Variants in MARCHF3 observed in about 807,000 individuals in gnomAD.
The protein encoded by MARCHF3 is E3 ubiquitin-protein ligase MARCHF3.
Under a neutral mutation model 24.2 loss-of-function variants are expected in MARCHF3, and 13 were observed. That is an observed-to-expected ratio of 0.54 (90% CI 0.35 to 0.85). MARCHF3 has a LOEUF of 0.85. MARCHF3 is among the 40% of genes least tolerant of loss of function. The pLI is 0.01. For synonymous variants in MARCHF3, 144 were observed against 137.3 expected, an observed-to-expected ratio of 1.05 and a Z score of -0.34; for missense variants, 276 against 325.0, an observed-to-expected ratio of 0.85 and a Z score of 1.16.
chr5:126,978,022 G>A (rs1360446493), intron 1 of MARCHF3, among the ~76,000 whole-genome samples: 2 of 152,220 alleles, frequency 1.3e-5, no homozygotes, highest in Non-Finnish European at 2.9e-5. Flanking sequence ...CACAAGTACA[G>A]AGCAAGAGTG....
chr5:126,916,636 T>C (rs1460381693), intron 2 of MARCHF3, among the ~76,000 whole-genome samples: 2 of 150,838 alleles, frequency 1.3e-5, no homozygotes, highest in Admixed American at 1.3e-4. Context: ...TGAAACCTGG[T>C]TTACAGTACC....
intron 1 of MARCHF3, among the ~76,000 whole-genome samples, chr5:126,997,584 G>C (rs2126847951): frequency 6.6e-6 from 1 of 152,304 alleles, no homozygotes; most frequent in African/African-American, 2.4e-5. Context: ...AAGGTCGAAA[G>C]GACTGGGTCC....
chr5:126,883,272 G>A (rs912442326), intron 3 of MARCHF3, among the ~76,000 whole-genome samples: 5 of 152,104 alleles, frequency 3.3e-5, no homozygotes, highest in Non-Finnish European at 5.9e-5. Flanking sequence ...TTTTCTCCTG[G>A]TGGATCCACT....
intron 1 of MARCHF3, among the ~76,000 whole-genome samples, chr5:126,979,661 AAGTG>A (rs1163736177): frequency 1.3e-5 from 2 of 152,154 alleles, no homozygotes; most frequent in African/African-American, 4.8e-5. Flanking sequence ...TTAGAAATGA[AAGTG>A]AGGCCAGGCG....
chr5:126,915,188 G>A, intron 2 of MARCHF3, 54 bp from the exon 3 acceptor site: 6 of 1,568,872 alleles, frequency 3.8e-6, no homozygotes, highest in Non-Finnish European at 5.2e-6. Flanking sequence ...CCTCCACCAA[G>A]TGGATGGCCC....
intron 1 of MARCHF3, among the ~76,000 whole-genome samples, chr5:126,990,078 C>A (rs7717385): frequency 3.5e-5 from 5 of 143,232 alleles, no homozygotes; most frequent in Admixed American, 1.4e-4. Context: ...AAAAGAGCCC[C>A]CATTTAACAA....
rs532789774 is a variant in MARCHF3 at position 126,909,175 on chromosome 5, G to A, written c.393+5755C>T. On this transcript the variant is annotated intron_variant, in intron 3 of 4. Coordinates refer to ENST00000308660, the MANE Select transcript of MARCHF3 (RefSeq NM_178450.5). ...ACCCACTTGAGGAGGCAGTCTGCCCGTTCTCAGATCTCCAGCTGCATGCTG... is the reference window on the plus strand; with the variant it reads ...ACCCACTTGAGGAGGCAGTCTGCCCATTCTCAGATCTCCAGCTGCATGCTG... Among the ~76,000 whole-genome samples, 18 of 152,150 alleles carry A rather than the reference G, an allele frequency of 1.2e-4. No homozygotes were observed. In the South Asian group the frequency reaches 2.1e-3, roughly 18 times the overall value.
chr5:127,021,033 CTG>C (rs924888950), intron 1 of MARCHF3, among the ~76,000 whole-genome samples: 33 of 152,224 alleles, frequency 2.2e-4, no homozygotes, highest in African/African-American at 7.0e-4. Context: ...GCATCCAAAA[CTG>C]TGAGTAACAA....
At chr5:126,991,900 T>C (rs1751776234) in intron 1 of MARCHF3, among the ~76,000 whole-genome samples, 1 of 152,192 alleles carries the variant, frequency 6.6e-6, no homozygotes, top group Non-Finnish European at 1.5e-5. Flanking sequence ...GATATTTCCA[T>C]TGACTTTCTG....
chr5:126,912,579 T>TA (rs1261021692), intron 3 of MARCHF3, among the ~76,000 whole-genome samples: 7 of 151,886 alleles, frequency 4.6e-5, no homozygotes, highest in Non-Finnish European at 5.9e-5. Flanking sequence ...CTGATTTGCT[T>TA]AAAAAAAAGA....
At chr5:127,017,814 CT>C (rs938271918) in intron 1 of MARCHF3, among the ~76,000 whole-genome samples, 1 of 151,936 alleles carries the variant, frequency 6.6e-6, no homozygotes, top group Admixed American at 6.6e-5. Flanking sequence ...AAATGAATAA[CT>C]TTTTTTTAGT....
At position 126,910,294 on chromosome 5, in the gene MARCHF3, T is replaced by A. The variant is rs376663198; in HGVS notation, c.393+4636A>T. The stretch of plus-strand genomic sequence containing the variant: ...TCAAAGCCTAGTGGCAAATATTCCA[T>A]CACTAGAAACTGATGTTACAAGCAT... On this transcript the variant is annotated intron_variant, in intron 3 of 4. Transcript: ENST00000308660. Among the ~76,000 whole-genome samples, 18 of 152,328 alleles carry A rather than the reference T, an allele frequency of 1.2e-4. No homozygotes were observed. In the South Asian group the frequency reaches 3.5e-3, roughly 30 times the overall value.
intron 1 of MARCHF3, among the ~76,000 whole-genome samples, chr5:126,995,051 C>G (rs2126846231): frequency 6.6e-6 from 1 of 152,310 alleles, no homozygotes; most frequent in East Asian, 1.9e-4. Flanking sequence ...TTAGATGGTG[C>G]CCACCCAGAT....
intron 1 of MARCHF3, among the ~76,000 whole-genome samples, chr5:127,023,895 A>T (rs568780225): frequency 3.3e-5 from 5 of 152,196 alleles, no homozygotes; most frequent in African/African-American, 1.2e-4. Context: ...AGGCCCCTAA[A>T]CCTCCCACAG....
intron 1 of MARCHF3, among the ~76,000 whole-genome samples, chr5:126,943,094 T>A (rs1407228376): frequency 6.6e-6 from 1 of 152,170 alleles, no homozygotes; most frequent in Non-Finnish European, 1.5e-5. Flanking sequence ...AAGACAATTC[T>A]GGCCAACACA....
intron 3 of MARCHF3, among the ~76,000 whole-genome samples, chr5:126,893,062 C>A (rs1580608675): frequency 6.6e-6 from 1 of 151,976 alleles, no homozygotes; most frequent in East Asian, 1.9e-4. Flanking sequence ...TCTAGATTTT[C>A]TAGTTTATTT....
intron 4 of MARCHF3, among the ~76,000 whole-genome samples, chr5:126,876,071 A>G (rs1000674460): frequency 3.3e-5 from 5 of 152,210 alleles, no homozygotes; most frequent in African/African-American, 1.2e-4. Flanking sequence ...AGCCTAGTCT[A>G]GGTACCTTTT....
At chr5:127,008,574 A>G (rs1752379961) in intron 1 of MARCHF3, among the ~76,000 whole-genome samples, 2 of 152,238 alleles carry the variant, frequency 1.3e-5, no homozygotes, top group Admixed American at 1.3e-4. Flanking sequence ...ATGTGTTTTC[A>G]TAGTTGTTGT....
In MARCHF3 at chr5:126,914,973, T is replaced by C; in HGVS notation, c.350A>G (p.His117Arg). The C allele has an allele frequency of 1.9e-6, 3 of 1,614,218 alleles. No homozygotes were observed. The highest frequency in any genetic ancestry group is 2.5e-6 in the Non-Finnish European group (3 of 1,180,030). The change falls in exon 3 of 5, where the codon CAC becomes CGC. Residue 117 changes from histidine (H) to arginine (R), a missense_variant. His to Arg is a conservative substitution (Grantham distance 29). Coordinates refer to ENST00000308660, the MANE Select transcript of MARCHF3 (RefSeq NM_178450.5). ...SSNTSYCELC[H>R]FRFAVERKPR... ...TTTGCGCTCGACTGCAAACCTGAAGTGGCAGAGTTCACAGTAGCTGGTGTT... is the reference window on the plus strand; with the variant it reads ...TTTGCGCTCGACTGCAAACCTGAAGCGGCAGAGTTCACAGTAGCTGGTGTT...
Sources: allele counts gnomAD v4.1 joint callset (sites outside exome capture counted in the v4.1 genomes callset), GRCh38; gene constraint gnomAD v4.1.1; transcripts MANE v1.5; gene names NCBI Gene and HGNC (gene_info 2026-07-23, HGNC 2026-07-21).